Variants in CSMD2 observed in about 807,000 individuals in gnomAD.
CSMD2 encodes CUB and Sushi multiple domains 2.
Under a neutral mutation model 398.5 loss-of-function variants are expected in CSMD2, and 130 were observed. The observed-to-expected ratio is 0.33, with a 90% CI of 0.28 to 0.38. The LOEUF is 0.38. Among genes scored for constraint, CSMD2 ranks in the 10% least tolerant of loss-of-function variants. CSMD2 has a pLI of 1.00. For missense variants in CSMD2, 3,829 were observed against 4,764.9 expected (o/e 0.80, Z 5.78); for synonymous variants, 1,828 against 1,908.5 (o/e 0.96, Z 1.10).
chr1:33,553,911 C>T (rs1002445829), intron 55 of CSMD2, among the ~76,000 whole-genome samples: 7 of 152,064 alleles, frequency 4.6e-5, no homozygotes, highest in African/African-American at 1.7e-4. Context: ...CCACAATATT[C>T]CCTTAAGCCA....
At chr1:34,059,497 T>C (rs978332592) in intron 2 of CSMD2, among the ~76,000 whole-genome samples, 1 of 152,186 alleles carries the variant, frequency 6.6e-6, no homozygotes, top group African/African-American at 2.4e-5. Flanking sequence ...ATCAAATCTG[T>C]AATCATTCTG....
At chr1:33,600,640 TG>T in intron 44 of CSMD2, 1 of 581,690 alleles carries the variant, frequency 1.7e-6, no homozygotes. Flanking sequence ...CTCTCTGCCC[TG>T]GCAGTGTGGA....
At chr1:33,771,568 A>G (rs1651270455) in intron 13 of CSMD2, among the ~76,000 whole-genome samples, 1 of 152,122 alleles carries the variant, frequency 6.6e-6, no homozygotes, top group Admixed American at 6.5e-5. Flanking sequence ...TCATTTAAAA[A>G]GTATCATCAC....
intron 4 of CSMD2, among the ~76,000 whole-genome samples, chr1:33,931,392 T>C (rs1024451602): frequency 6.6e-6 from 1 of 152,184 alleles, no homozygotes; most frequent in Admixed American, 6.5e-5. Context: ...AAATCACTTT[T>C]ATAAAATCAC....
In CSMD2 at chr1:33,633,548, C is replaced by G. The variant is rs1354734404; in HGVS notation, c.5087-13G>C. On this transcript the variant is annotated splice_polypyrimidine_tract_variant and intron_variant, in intron 31 of 70. Transcript: ENST00000373381. The surrounding 1 kb of genome is among the most constrained non-coding windows in gnomAD (Gnocchi z 5.0). ...TGGCCAAACACCACTGTGGAGGAGA[C>G]ACAGTGTGGGGACTGGGCAGGCACG... 1.3e-6 allele frequency: 2 copies of G among 1,546,146 alleles called. No individual in the cohort carries two copies. The highest frequency in any genetic ancestry group is 2.4e-5 in the South Asian group (2 of 83,938).
chr1:34,045,076 CA>C (rs1302120056), intron 2 of CSMD2, among the ~76,000 whole-genome samples: 87 of 143,672 alleles, frequency 6.1e-4, no homozygotes, highest in African/African-American at 1.9e-3. Flanking sequence ...CACACACACA[CA>C]CCCCTACAAA....
chr1:33,891,092 C>G (rs1641979459), intron 5 of CSMD2, among the ~76,000 whole-genome samples: 1 of 152,056 alleles, frequency 6.6e-6, no homozygotes, highest in South Asian at 2.1e-4. Flanking sequence ...GCAAAAGAAA[C>G]TACCATCAGA....
chr1:33,919,667 CCT>C (rs1643875979), intron 4 of CSMD2, among the ~76,000 whole-genome samples: 1 of 152,164 alleles, frequency 6.6e-6, no homozygotes. Flanking sequence ...AGCTTGATTT[CCT>C]CTCTGCCTTC....
chr1:33,885,707 A>C (rs995362348), intron 5 of CSMD2, among the ~76,000 whole-genome samples: 36 of 152,146 alleles, frequency 2.4e-4, no homozygotes, highest in African/African-American at 7.7e-4. Context: ...TATAATTTTT[A>C]AGTAGTATGA....
intron 55 of CSMD2, among the ~76,000 whole-genome samples, chr1:33,553,339 T>G (rs1309337012): frequency 6.6e-6 from 1 of 152,226 alleles, no homozygotes; most frequent in Non-Finnish European, 1.5e-5. Flanking sequence ...TGATCAGTGA[T>G]CTTTGATGTC....
chr1:33,700,010 A>ATTTTTTTTTT, intron 23 of CSMD2, among the ~76,000 whole-genome samples: 1 of 148,390 alleles, frequency 6.7e-6, no homozygotes, highest in Non-Finnish European at 1.5e-5. Flanking sequence ...ACTTTACTCC[A>ATTTTTTTTTT]TTTTTTTTTT....
intron 5 of CSMD2, among the ~76,000 whole-genome samples, chr1:33,866,693 TG>T (rs550035691): frequency 4.2e-4 from 64 of 152,342 alleles, no homozygotes; most frequent in South Asian, 2.9e-3. Flanking sequence ...CTGCTCTTCC[TG>T]CCCTCTCCCT....
chr1:33,980,878 G>C (rs1056578125), intron 3 of CSMD2, among the ~76,000 whole-genome samples: 1 of 152,200 alleles, frequency 6.6e-6, no homozygotes, highest in Non-Finnish European at 1.5e-5. Flanking sequence ...TGAAGGATGG[G>C]GTGGGGAACT....
At chr1:33,755,858 G>A (rs1005698604) in intron 13 of CSMD2, among the ~76,000 whole-genome samples, 1 of 151,082 alleles carries the variant, frequency 6.6e-6, no homozygotes, top group South Asian at 2.1e-4. Flanking sequence ...GGGGGGAGGG[G>A]GGTCTCACTA....
At chr1:33,818,748 C>T (rs1013662731) in intron 9 of CSMD2, among the ~76,000 whole-genome samples, 6 of 152,200 alleles carry the variant, frequency 3.9e-5, no homozygotes, top group African/African-American at 1.4e-4. Context: ...TAGTGACACT[C>T]TTCTAGATTA....
At position 33,973,796 on chromosome 1, in the gene CSMD2, G is replaced by T. The variant is rs1291953325; in HGVS notation, c.518-37842C>A. Among the ~76,000 whole-genome samples the T allele has an allele frequency of 2.0e-5, 3 of 152,140 alleles. No homozygotes were observed. The East Asian group carries it at 5.8e-4, about 29-fold the overall frequency. ...CTCTAGGCAGATGCACTGAGGAGAA[G>T]GTGCCTTCTAGTTTGGGGAATGGGG... On this transcript the variant is annotated intron_variant, in intron 3 of 70. Coordinates refer to ENST00000373381, the MANE Select transcript of CSMD2 (RefSeq NM_001281956.2).
At chr1:34,049,812 A>C (rs903613520) in intron 2 of CSMD2, among the ~76,000 whole-genome samples, 4 of 152,144 alleles carry the variant, frequency 2.6e-5, no homozygotes, top group East Asian at 1.9e-4. Flanking sequence ...TAATGGACTG[A>C]GTGTGAACTC....
chr1:33,783,543 C>G (rs12141098), intron 12 of CSMD2, among the ~76,000 whole-genome samples: 28,235 of 151,444 alleles, frequency 0.19, 2,777 homozygotes, highest in African/African-American at 0.24. Flanking sequence ...CTACAAGCCA[C>G]GAAGAAAGCC....
intron 3 of CSMD2, among the ~76,000 whole-genome samples, chr1:33,983,864 G>A (rs1646255667): frequency 6.6e-6 from 1 of 152,130 alleles, no homozygotes; most frequent in Non-Finnish European, 1.5e-5. Flanking sequence ...TATGAAAAAT[G>A]GACATAGGCC....
Sources: gnomAD v4.1 joint callset for allele counts (sites outside exome capture counted in the v4.1 genomes callset) on GRCh38, gnomAD v4.1.1 for gene constraint, Gnocchi (gnomAD v3.1) non-coding constraint, MANE v1.5 for transcripts, NCBI Gene and HGNC (gene_info 2026-07-23, HGNC 2026-07-21) for gene names.